The following SGCD variants were observed in gnomAD, a reference collection of about 807,000 sequenced individuals.
SGCD encodes the protein sarcoglycan delta, also known as delta-sarcoglycan.
In SGCD, 18 loss-of-function variants were observed where a neutral mutation model predicts 36.6. The observed-to-expected ratio is 0.49, with a 90% CI of 0.34 to 0.73. SGCD has a LOEUF of 0.73. Ranked by LOEUF, SGCD falls within the 30% of genes least tolerant of loss-of-function variation. The pLI is 0.01. For missense variants in SGCD, 387 were observed against 346.7 expected, an observed-to-expected ratio of 1.12 and a Z score of -0.92; for synonymous variants, 133 against 130.6, an observed-to-expected ratio of 1.02 and a Z score of -0.12.
the SGCD span, among the ~76,000 whole-genome samples, chr5:155,787,451 C>G: frequency 6.6e-6 from 1 of 152,082 alleles, no homozygotes; most frequent in South Asian, 2.1e-4. Context: ...CAAATGACTC[C>G]TTAGCATCAT....
Position 156,765,908 on chromosome 5 carries a change from C to A in SGCD, c.*6518C>A, listed in dbSNP as rs1165157961. On this transcript the variant is annotated 3_prime_UTR_variant, in exon 9 of 9. Transcript: ENST00000337851. ...ATTTTCCCTGCTTTCTGTAGTCTCT[C>A]ACAGTGACAGCATCTATACTAAAGT... 1 of 151,970 alleles carries A rather than the reference C, an allele frequency of 6.6e-6. No homozygotes were observed. Among genetic ancestry groups the A allele is most frequent in the Non-Finnish European group, 1.5e-5 (1 of 68,010 alleles). The allele number at this position is 151,970 out of a possible 1,614,324, so 9.4% of individuals were successfully genotyped here. A position where few individuals can be genotyped will look rare whatever the true frequency, so the allele number is the denominator to read the frequency against.
At chr5:156,706,589 A>C (rs1271827230) in intron 7 of SGCD, among the ~76,000 whole-genome samples, 1 of 152,074 alleles carries the variant, frequency 6.6e-6, no homozygotes, top group Non-Finnish European at 1.5e-5. Context: ...CCAGGGAGCC[A>C]TTTCTTCTTG....
At chr5:156,243,092 G>T (rs922804891) in intron 3 of SGCD, among the ~76,000 whole-genome samples, 9 of 152,214 alleles carry the variant, frequency 5.9e-5, no homozygotes, top group African/African-American at 2.2e-4. Flanking sequence ...GCACAAAGGG[G>T]CAGCCTGGCA....
chr5:156,530,464 A>G (rs1757840815), intron 4 of SGCD, among the ~76,000 whole-genome samples: 1 of 152,128 alleles, frequency 6.6e-6, no homozygotes, highest in Non-Finnish European at 1.5e-5. Flanking sequence ...AAAGTCTTTC[A>G]CTTATTTCTT....
chr5:156,429,265 C>CTTTTTTTT (rs3074973), intron 3 of SGCD, among the ~76,000 whole-genome samples: 5 of 123,778 alleles, frequency 4.0e-5, no homozygotes, highest in African/African-American at 1.2e-4. Flanking sequence ...CCCTCATTGT[C>CTTTTTTTT]TTTTTTTTTT....
At chr5:155,821,369 A>G in the SGCD span, among the ~76,000 whole-genome samples, 1 of 151,918 alleles carries the variant, frequency 6.6e-6, no homozygotes, top group Admixed American at 6.6e-5. Context: ...GCTGGAGTGC[A>G]GTGGCCCAAT....
intron 4 of SGCD, among the ~76,000 whole-genome samples, chr5:156,559,069 T>A (rs1386924591): frequency 1.3e-5 from 2 of 152,186 alleles, no homozygotes; most frequent in African/African-American, 4.8e-5. Flanking sequence ...GCTCTACTAC[T>A]CACTGGCTAA....
At chr5:156,351,403 G>A (rs763365870) in intron 3 of SGCD, among the ~76,000 whole-genome samples, 2 of 152,042 alleles carry the variant, frequency 1.3e-5, no homozygotes, top group Non-Finnish European at 2.9e-5. Flanking sequence ...GGAGACAGAT[G>A]TTCTAAGTAA....
At chr5:156,212,615 A>T (rs1764474370) in intron 3 of SGCD, among the ~76,000 whole-genome samples, 1 of 152,128 alleles carries the variant, frequency 6.6e-6, no homozygotes, top group African/African-American at 2.4e-5. Flanking sequence ...ACAAGGAAAC[A>T]TCAGATATAA....
intron 7 of SGCD, among the ~76,000 whole-genome samples, chr5:156,755,839 TA>T (rs1192689472): frequency 6.6e-6 from 1 of 152,128 alleles, no homozygotes; most frequent in African/African-American, 2.4e-5. Context: ...TGAGTCATTG[TA>T]GGGGGGGACA....
chr5:156,438,287 C>T (rs1347974069), intron 3 of SGCD, among the ~76,000 whole-genome samples: 2 of 152,078 alleles, frequency 1.3e-5, no homozygotes, highest in East Asian at 1.9e-4. Context: ...ACCATATGCT[C>T]CTGCTCTGAG....
chr5:156,070,232 GTT>G (rs1157673110), intron 1 of SGCD, among the ~76,000 whole-genome samples: 2 of 151,834 alleles, frequency 1.3e-5, no homozygotes, highest in Non-Finnish European at 2.9e-5. Flanking sequence ...AACGCTTCCA[GTT>G]TTTGCCCATT....
At chr5:156,378,358 G>T (rs1461790528) in intron 3 of SGCD, among the ~76,000 whole-genome samples, 1 of 152,138 alleles carries the variant, frequency 6.6e-6, no homozygotes, top group African/African-American at 2.4e-5. Context: ...GAGAGTTATT[G>T]CTTAATGATA....
intron 1 of SGCD, among the ~76,000 whole-genome samples, chr5:156,114,097 A>G (rs1454590786): frequency 6.6e-6 from 1 of 152,152 alleles, no homozygotes; most frequent in Non-Finnish European, 1.5e-5. Flanking sequence ...ACATTTGTCA[A>G]AACCCATAGA....
At chr5:156,713,416 G>T (rs897592120) in intron 7 of SGCD, among the ~76,000 whole-genome samples, 106 of 148,932 alleles carry the variant, frequency 7.1e-4, no homozygotes, top group African/African-American at 4.5e-4. Flanking sequence ...ATGTCGGGGG[G>T]GGCGTTATAG....
intron 1 of SGCD, among the ~76,000 whole-genome samples, chr5:155,962,260 T>A (rs1363717940): frequency 6.6e-6 from 1 of 152,096 alleles, no homozygotes. Flanking sequence ...TAGGAAATCA[T>A]TCTATCAGGT....
At chr5:156,570,690 T>C (rs1432094597) in intron 4 of SGCD, among the ~76,000 whole-genome samples, 4 of 152,246 alleles carry the variant, frequency 2.6e-5, no homozygotes, top group East Asian at 1.9e-4. Flanking sequence ...ATTTGTTACA[T>C]AGGTAAATGT....
intron 1 of SGCD, among the ~76,000 whole-genome samples, chr5:155,971,586 T>G (rs930765048): frequency 3.9e-5 from 6 of 152,086 alleles, no homozygotes; most frequent in Non-Finnish European, 8.8e-5. Flanking sequence ...TATGATTTGT[T>G]GCAAATCCAG....
chr5:156,111,575 C>T (rs1761786283), intron 1 of SGCD, among the ~76,000 whole-genome samples: 1 of 152,124 alleles, frequency 6.6e-6, no homozygotes, highest in African/African-American at 2.4e-5. Flanking sequence ...CTTTTAGTGG[C>T]TCAGTCTAGG....
Sources: allele counts gnomAD v4.1 joint callset (sites outside exome capture counted in the v4.1 genomes callset), GRCh38; gene constraint gnomAD v4.1.1; transcripts MANE v1.5; gene names NCBI Gene and HGNC (gene_info 2026-07-23, HGNC 2026-07-21).